Variants in NFYC observed in about 807,000 individuals in gnomAD.
NFYC encodes CAAT box DNA-binding protein subunit C.
Under a neutral mutation model 53.1 loss-of-function variants are expected in NFYC, and 25 were observed. The ratio of observed to expected loss-of-function variants is 0.47; its 90% CI spans 0.34 to 0.66. NFYC has a LOEUF of 0.66. Among genes scored for constraint, NFYC ranks in the 30% least tolerant of loss-of-function variants. The pLI, the probability that NFYC is intolerant of heterozygous loss-of-function variation, is 0.01. For missense variants in NFYC, 260 were observed against 422.7 expected, an observed-to-expected ratio of 0.62 and a Z score of 3.38; for synonymous variants, 145 against 152.6, an observed-to-expected ratio of 0.95 and a Z score of 0.37.
At chr1:40,763,973 G>A (rs1030842833) in intron 7 of NFYC, among the ~76,000 whole-genome samples, 1 of 152,256 alleles carries the variant, frequency 6.6e-6, no homozygotes, top group Non-Finnish European at 1.5e-5. Flanking sequence ...AGTGGAGCCT[G>A]CAGCAAAGTG....
At chr1:40,745,270 A>G (rs1388916369) in intron 2 of NFYC, among the ~76,000 whole-genome samples, 1 of 152,194 alleles carries the variant, frequency 6.6e-6, no homozygotes, top group Non-Finnish European at 1.5e-5. Flanking sequence ...TACAAATTAT[A>G]TTTAAAACCA....
At chr1:40,702,637 C>T (rs866023840) in intron 1 of NFYC, among the ~76,000 whole-genome samples, 5 of 151,830 alleles carry the variant, frequency 3.3e-5, no homozygotes, top group South Asian at 2.1e-4. Flanking sequence ...CCACCGCACC[C>T]GGCCTATCTT....
At chr1:40,700,824 TA>T (rs1643398027) in intron 1 of NFYC, among the ~76,000 whole-genome samples, 2 of 152,222 alleles carry the variant, frequency 1.3e-5, no homozygotes, top group South Asian at 4.1e-4. Context: ...GTGTCTTCAC[TA>T]CTGCATCCAG....
intron 1 of NFYC, among the ~76,000 whole-genome samples, chr1:40,734,325 G>A (rs577251142): frequency 2.0e-5 from 3 of 150,288 alleles, no homozygotes; most frequent in African/African-American, 4.9e-5. Flanking sequence ...AATAAGAGGT[G>A]ATTAACTACG....
intron 8 of NFYC, among the ~76,000 whole-genome samples, chr1:40,767,463 CA>C (rs1203229699): frequency 6.6e-6 from 1 of 152,120 alleles, no homozygotes; most frequent in Non-Finnish European, 1.5e-5. Context: ...GAGCCAAAAG[CA>C]AGGCTTCTGA....
chr1:40,742,594 TCTC>T (rs1645409423), intron 2 of NFYC, among the ~76,000 whole-genome samples: 1 of 152,206 alleles, frequency 6.6e-6, no homozygotes, highest in Non-Finnish European at 1.5e-5. Context: ...TAATTAAAAT[TCTC>T]CTCCTATGTA....
chr1:40,715,424 T>C lies in NFYC; in HGVS notation c.-8-23412T>C, dbSNP rs1366046339. On this transcript the variant is annotated intron_variant, in intron 1 of 9. Coordinates refer to ENST00000447388, the MANE Select transcript of NFYC (RefSeq NM_014223.5). ...AAACAAAAACTTTTTTTTTTTTTCCTGTAGAAATGGAGTCTCATTATTTTC... is the reference window on the plus strand; with the variant it reads ...AAACAAAAACTTTTTTTTTTTTTCCCGTAGAAATGGAGTCTCATTATTTTC... Among the ~76,000 whole-genome samples the C allele has an allele frequency of 2.6e-5, 4 of 151,722 alleles. No homozygotes were observed. The East Asian group carries it at 5.8e-4, about 22-fold the overall frequency.
chr1:40,765,637 G>A (rs1646773544), intron 7 of NFYC, among the ~76,000 whole-genome samples: 2 of 152,168 alleles, frequency 1.3e-5, no homozygotes, highest in South Asian at 4.1e-4. Flanking sequence ...CCCGCAGATA[G>A]AGACCTAGTC....
Position 40,769,457 on chromosome 1 carries a change from C to T in NFYC, c.888+42C>T, listed in dbSNP as rs372557232. On this transcript the variant is annotated intron_variant, in intron 9 of 9. Transcript: ENST00000447388. ...GGGCTGGGCAGAGGGTGAGGATTTGCGGGGCAGGGTAGCAGGTAGTATCTG... is the reference window on the plus strand; with the variant it reads ...GGGCTGGGCAGAGGGTGAGGATTTGTGGGGCAGGGTAGCAGGTAGTATCTG... 5.3e-5 allele frequency: 83 copies of T among 1,575,882 alleles called. No homozygotes were observed. In the East Asian group the frequency reaches 5.6e-4, roughly 11 times the overall value.
intron 3 of NFYC, among the ~76,000 whole-genome samples, chr1:40,748,126 G>A (rs1033926394): frequency 2.6e-5 from 4 of 151,796 alleles, no homozygotes; most frequent in Non-Finnish European, 5.9e-5. Context: ...GTGAGCCACC[G>A]CATCTGGCCT....
chr1:40,744,945 A>G (rs1298606858), intron 2 of NFYC, among the ~76,000 whole-genome samples: 1 of 152,226 alleles, frequency 6.6e-6, no homozygotes, highest in Non-Finnish European at 1.5e-5. Flanking sequence ...GTGATTGTCA[A>G]CAGGGATGAA....
At chr1:40,697,203 TTAA>T (rs1261139640) in intron 1 of NFYC, among the ~76,000 whole-genome samples, 1 of 152,316 alleles carries the variant, frequency 6.6e-6, no homozygotes, top group East Asian at 1.9e-4. Context: ...TTAGTGGACC[TTAA>T]TAAGTGGGAG....
intron 2 of NFYC, 129 bp from the exon 3 acceptor site, chr1:40,747,405 T>G: frequency 1.6e-6 from 1 of 613,566 alleles, no homozygotes; most frequent in Non-Finnish European, 2.9e-6. Context: ...TCATTTCATC[T>G]GTACCTTCTC....
chr1:40,754,736 C>G (rs993862848), intron 5 of NFYC, among the ~76,000 whole-genome samples: 1 of 152,160 alleles, frequency 6.6e-6, no homozygotes, highest in Non-Finnish European at 1.5e-5. Context: ...GGGCTGCCTG[C>G]TGAATACACT....
At chr1:40,758,398 G>GCA in intron 6 of NFYC, 104 bp downstream of exon 6, 1 of 1,263,244 alleles carries the variant, frequency 7.9e-7, no homozygotes. Context: ...TCATTATAGA[G>GCA]CACTGGATTT....
Position 40,700,417 on chromosome 1 carries a change from A to G in NFYC, c.-9+8550A>G, listed in dbSNP as rs139514112. Among the ~76,000 whole-genome samples the G allele has an allele frequency of 9.3e-4, 141 of 152,254 alleles. 1 individual carries two copies. The highest frequency in any genetic ancestry group is 2.0e-3 in the African/African-American group (84 of 41,542). On this transcript the variant is annotated intron_variant, in intron 1 of 9. Transcript: ENST00000447388. ...AGTGAGGTGGTGTGATCATAGCTCA[A>G]TGCAACCTCAAACTTCTGGGTTCAA...
intron 5 of NFYC, 70 bp from the exon 6 acceptor site, chr1:40,758,051 G>C: frequency 1.9e-6 from 3 of 1,567,012 alleles, no homozygotes; most frequent in Non-Finnish European, 2.6e-6. Flanking sequence ...TGGGGGAAGA[G>C]TGGAAATTCA....
intron 2 of NFYC, among the ~76,000 whole-genome samples, chr1:40,740,507 A>T (rs1273090088): frequency 6.6e-6 from 1 of 152,258 alleles, no homozygotes; most frequent in African/African-American, 2.4e-5. Context: ...GTTTGTTTAT[A>T]TGAAGAGTTT....
intron 1 of NFYC, among the ~76,000 whole-genome samples, chr1:40,715,992 G>C (rs1453138268): frequency 6.6e-6 from 1 of 152,130 alleles, no homozygotes; most frequent in African/African-American, 2.4e-5. Context: ...CAATTACATA[G>C]AAAACTAAAG....
Sources: gnomAD v4.1 joint callset for allele counts (sites outside exome capture counted in the v4.1 genomes callset) on GRCh38, gnomAD v4.1.1 for gene constraint, MANE v1.5 for transcripts, NCBI Gene and HGNC (gene_info 2026-07-23, HGNC 2026-07-21) for gene names.